Variants in VDAC1 observed in about 807,000 individuals in gnomAD.
VDAC1 encodes non-selective voltage-gated ion channel VDAC1.
A neutral mutation model predicts 34.7 loss-of-function variants in VDAC1; 10 were observed. The observed-to-expected ratio is 0.29, with a 90% CI of 0.18 to 0.49. The LOEUF (loss-of-function observed/expected upper bound fraction) is 0.49. Among genes scored for constraint, VDAC1 ranks in the 20% least tolerant of loss-of-function variants. VDAC1 has a pLI of 0.99. For synonymous variants in VDAC1, 130 were observed against 136.0 expected, an observed-to-expected ratio of 0.96 and a Z score of 0.30; for missense variants, 230 against 347.9, an observed-to-expected ratio of 0.66 and a Z score of 2.69.
chr5:134,086,211 A>T, the VDAC1 span, among the ~76,000 whole-genome samples: 21 of 152,156 alleles, frequency 1.4e-4, no homozygotes, highest in Admixed American at 3.9e-4. Flanking sequence ...ATAATAATAA[A>T]AAATACTTTC....
At chr5:133,981,016 C>CTTT in intron 5 of VDAC1, 60 bp from the exon 6 acceptor site, 25 of 1,185,932 alleles carry the variant, frequency 2.1e-5, no homozygotes, top group African/African-American at 3.2e-5. Flanking sequence ...TGCAAGTTGT[C>CTTT]TTTTTTTTTT....
rs117231680 is a variant in VDAC1 at position 133,980,827 on chromosome 5, G to A, written c.453C>T (p.Ala151=). 5.6e-3 allele frequency: 8,969 copies of A among 1,613,424 alleles called. 274 individuals are homozygous for A. In the East Asian group the frequency reaches 0.1, roughly 19 times the overall value. ...CAGTCTCAAAATTCATCTGGTAGCC[G>A]GCCAGCCAGCCCTCGTAACCTAGCA... The part of the protein sequence containing the change: ...ALVLGYEGWL[A]GYQMNFETAK... Residue 151 remains alanine (A), a synonymous_variant, in exon 6 of 9, where the codon GCC becomes GCT. Coordinates refer to ENST00000265333, the MANE Select transcript of VDAC1 (RefSeq NM_003374.3).
the VDAC1 span, among the ~76,000 whole-genome samples, chr5:134,015,752 CT>C: frequency 3.9e-4 from 60 of 152,232 alleles, no homozygotes; most frequent in African/African-American, 1.3e-3. Context: ...TCAAGCGATT[CT>C]CCTGCCTCAG....
intron 1 of VDAC1, among the ~76,000 whole-genome samples, chr5:133,995,519 G>T (rs976330348): frequency 6.6e-6 from 1 of 152,176 alleles, no homozygotes; most frequent in Non-Finnish European, 1.5e-5. Flanking sequence ...TGGCTGAATG[G>T]AGTCAAGTCC....
At chr5:134,091,323 G>A in the VDAC1 span, among the ~76,000 whole-genome samples, 1 of 152,106 alleles carries the variant, frequency 6.6e-6, no homozygotes, top group Non-Finnish European at 1.5e-5. Context: ...CTATTCCAAC[G>A]TAGGGTAACC....
the VDAC1 span, among the ~76,000 whole-genome samples, chr5:134,024,046 A>G: frequency 1.3e-5 from 2 of 151,882 alleles, no homozygotes; most frequent in Non-Finnish European, 2.9e-5. Flanking sequence ...CAGCAGACTG[A>G]GGCAGGAGAA....
the VDAC1 span, among the ~76,000 whole-genome samples, chr5:134,031,026 A>G: frequency 1.3e-5 from 2 of 152,056 alleles, no homozygotes; most frequent in Admixed American, 1.3e-4. Context: ...TACAGCTACC[A>G]CTTCCATTAC....
chr5:134,016,168 G>C, the VDAC1 span, among the ~76,000 whole-genome samples: 83 of 152,308 alleles, frequency 5.4e-4, no homozygotes, highest in African/African-American at 1.9e-3. Context: ...AAAGAGGCAG[G>C]GATTCTTGCT....
chr5:134,105,795 G>A, the VDAC1 span, among the ~76,000 whole-genome samples: 1 of 152,254 alleles, frequency 6.6e-6, no homozygotes, highest in Non-Finnish European at 1.5e-5. Flanking sequence ...CCCTGCCCAG[G>A]CAAACACAGC....
At chr5:134,015,947 C>T in the VDAC1 span, among the ~76,000 whole-genome samples, 9 of 152,114 alleles carry the variant, frequency 5.9e-5, no homozygotes, top group African/African-American at 2.2e-4. Context: ...CCCGTCTACA[C>T]CCAGGCAATT....
chr5:134,083,744 A>T, the VDAC1 span, among the ~76,000 whole-genome samples: 1 of 152,226 alleles, frequency 6.6e-6, no homozygotes, highest in Non-Finnish European at 1.5e-5. Flanking sequence ...AGCAGACAGG[A>T]TGCAGTCTCT....
At chr5:134,095,340 G>C in the VDAC1 span, among the ~76,000 whole-genome samples, 1,437 of 151,998 alleles carry the variant, frequency 9.5e-3, 29 homozygotes, top group African/African-American at 0.033. Flanking sequence ...AAAATTAGCT[G>C]GGTATGGTGG....
At chr5:134,068,512 C>CT in the VDAC1 span, among the ~76,000 whole-genome samples, 1 of 151,978 alleles carries the variant, frequency 6.6e-6, no homozygotes, top group Non-Finnish European at 1.5e-5. Context: ...TCCCTCAGCC[C>CT]TTTGAAGATA....
upstream of VDAC1, among the ~76,000 whole-genome samples, chr5:134,009,602 G>A (rs996377158): frequency 2.0e-5 from 3 of 151,836 alleles, no homozygotes; most frequent in Non-Finnish European, 4.4e-5. Flanking sequence ...ATTAAGTTGT[G>A]TTTCTATTTA....
chr5:134,092,846 T>C, the VDAC1 span, among the ~76,000 whole-genome samples: 1 of 152,198 alleles, frequency 6.6e-6, no homozygotes. Flanking sequence ...GGGCTTAGGT[T>C]ACTATAGATT....
chr5:134,047,618 A>AT, the VDAC1 span, among the ~76,000 whole-genome samples: 1 of 152,220 alleles, frequency 6.6e-6, no homozygotes, highest in African/African-American at 2.4e-5. Context: ...GCTAAGCAGT[A>AT]TTTTATCAGC....
chr5:134,003,533 T>C (rs1352378164), intron 1 of VDAC1, among the ~76,000 whole-genome samples: 1 of 152,242 alleles, frequency 6.6e-6, no homozygotes, highest in Admixed American at 6.5e-5. Flanking sequence ...AGTTACTCAA[T>C]ACCTGGTATA....
chr5:133,972,970 T>G, intron 8 of VDAC1, 108 bp from the exon 9 acceptor site: 1 of 874,656 alleles, frequency 1.1e-6, no homozygotes, highest in African/African-American at 1.7e-5. Context: ...ATCAGCAGGG[T>G]CCAAACTACA....
chr5:134,027,995 T>G, the VDAC1 span, among the ~76,000 whole-genome samples: 1 of 151,938 alleles, frequency 6.6e-6, no homozygotes, highest in Non-Finnish European at 1.5e-5. Flanking sequence ...GCTCTCAAAC[T>G]CCTGACCTCA....
Sources: gnomAD v4.1 joint callset for allele counts (sites outside exome capture counted in the v4.1 genomes callset) on GRCh38, gnomAD v4.1.1 for gene constraint, MANE v1.5 for transcripts, NCBI Gene and HGNC (gene_info 2026-07-23, HGNC 2026-07-21) for gene names.